The following CSGALNACT1 variants were observed in gnomAD, a reference collection of about 807,000 sequenced individuals.
CSGALNACT1 encodes the protein beta4GalNAcT-1.
A neutral mutation model predicts 51.0 loss-of-function variants in CSGALNACT1; 52 were observed. The observed-to-expected ratio is 1.02, with a 90% CI of 0.82 to 1.29. The LOEUF (loss-of-function observed/expected upper bound fraction) is 1.29. Among genes scored for constraint, CSGALNACT1 ranks in the 50% most tolerant of loss-of-function variants. The pLI is 0.00. For missense variants in CSGALNACT1, 935 were observed against 679.2 expected (o/e 1.38, Z -4.19); for synonymous variants, 341 against 254.4 (o/e 1.34, Z -3.24).
chr8:19,698,372 C>G (rs1007644147), intron 1 of CSGALNACT1, among the ~76,000 whole-genome samples: 3 of 152,204 alleles, frequency 2.0e-5, no homozygotes, highest in Admixed American at 2.0e-4. Flanking sequence ...ACGATGCACA[C>G]TTGTTCATGC....
intron 4 of CSGALNACT1, among the ~76,000 whole-genome samples, chr8:19,469,723 G>A (rs563998249): frequency 6.6e-6 from 1 of 152,132 alleles, no homozygotes; most frequent in African/African-American, 2.4e-5. Context: ...CCTACTCTCA[G>A]TCTCTGAAGC....
chr8:19,605,926 A>T (rs1377382387), upstream of CSGALNACT1, among the ~76,000 whole-genome samples: 1 of 152,200 alleles, frequency 6.6e-6, no homozygotes, highest in Non-Finnish European at 1.5e-5. Context: ...TTAATGTACA[A>T]CTAATAAGTG....
intron 1 of CSGALNACT1, among the ~76,000 whole-genome samples, chr8:19,664,646 A>AAC (rs34245346): frequency 0.013 from 1,929 of 150,694 alleles, 28 homozygotes; most frequent in African/African-American, 0.026. Context: ...CAAACACACA[A>AAC]ACACACACAC....
At chr8:19,709,695 G>C (rs952182022) in intron 1 of CSGALNACT1, among the ~76,000 whole-genome samples, 6 of 152,146 alleles carry the variant, frequency 3.9e-5, no homozygotes. Flanking sequence ...TCACCACGAG[G>C]GCATTAGGCA....
chr8:19,645,198 A>G (rs1240242445), intron 1 of CSGALNACT1, among the ~76,000 whole-genome samples: 1 of 152,240 alleles, frequency 6.6e-6, no homozygotes, highest in East Asian at 1.9e-4. Flanking sequence ...TTCTAATACA[A>G]TGAACAAAGG....
At chr8:19,490,253 G>C (rs1000371456) in intron 4 of CSGALNACT1, among the ~76,000 whole-genome samples, 1 of 152,186 alleles carries the variant, frequency 6.6e-6, no homozygotes, top group Admixed American at 6.5e-5. Flanking sequence ...CTGCACACGA[G>C]AAGCTGCTTC....
chr8:19,654,835 T>A (rs781594502), intron 1 of CSGALNACT1, among the ~76,000 whole-genome samples: 4 of 152,098 alleles, frequency 2.6e-5, no homozygotes, highest in Non-Finnish European at 5.9e-5. Context: ...CATGAGCCAC[T>A]GTGCCCAGCC....
intron 1 of CSGALNACT1, among the ~76,000 whole-genome samples, chr8:19,660,814 C>G (rs1011618776): frequency 1.3e-5 from 2 of 152,186 alleles, no homozygotes; most frequent in African/African-American, 2.4e-5. Flanking sequence ...ACACTCTCTA[C>G]ACACAGGAAA....
chr8:19,426,442 T>C (rs1307709570), intron 6 of CSGALNACT1, among the ~76,000 whole-genome samples: 4 of 152,184 alleles, frequency 2.6e-5, no homozygotes, highest in African/African-American at 9.7e-5. Flanking sequence ...AAGTTACTCA[T>C]ACAAAGAAAT....
chr8:19,593,917 G>C (rs2048354730), intron 2 of CSGALNACT1, among the ~76,000 whole-genome samples: 1 of 152,124 alleles, frequency 6.6e-6, no homozygotes. Context: ...TTCCTTCCCT[G>C]TCTCTCCCTC....
At chr8:19,554,527 T>C (rs1266593349) in intron 3 of CSGALNACT1, among the ~76,000 whole-genome samples, 3 of 45,598 alleles carry the variant, frequency 6.6e-5, no homozygotes, top group African/African-American at 2.0e-4. Flanking sequence ...AAAAATGCGA[T>C]GCAACCATAT....
At chr8:19,531,704 G>C (rs1283379008) in intron 3 of CSGALNACT1, 2 of 152,154 alleles carry the variant, frequency 1.3e-5, no homozygotes, top group East Asian at 1.9e-4. Flanking sequence ...TTTATCAACT[G>C]TGACTTCGGT....
chr8:19,568,029 GA>G (rs139202831), intron 3 of CSGALNACT1, among the ~76,000 whole-genome samples: 9,136 of 151,780 alleles, frequency 0.06, 940 homozygotes, highest in African/African-American at 0.21. Context: ...CTCAACAAAT[GA>G]AAAAAAATCA....
At chr8:19,474,894 A>G (rs2069133178) in intron 4 of CSGALNACT1, among the ~76,000 whole-genome samples, 1 of 151,656 alleles carries the variant, frequency 6.6e-6, no homozygotes, top group African/African-American at 2.4e-5. Flanking sequence ...AAAGAAAAAA[A>G]AAAGAAAGCA....
At chr8:19,652,157 C>T (rs2154184751) in intron 1 of CSGALNACT1, among the ~76,000 whole-genome samples, 1 of 152,006 alleles carries the variant, frequency 6.6e-6, no homozygotes, top group Admixed American at 6.6e-5. Context: ...CACCATGTTG[C>T]CCAGGCTGCT....
intron 1 of CSGALNACT1, among the ~76,000 whole-genome samples, chr8:19,712,588 TC>T (rs2062574200): frequency 1.3e-5 from 2 of 152,142 alleles, no homozygotes; most frequent in Admixed American, 6.5e-5. Context: ...CCTAAAATCA[TC>T]CCTGCAAATC....
In CSGALNACT1 at chr8:19,716,612, C is replaced by CAAAAAAAAAAAAA. The variant is rs60464594; in HGVS notation, c.-297+41225_-297+41237dup. 1.4e-4 allele frequency among the ~76,000 whole-genome samples: 6 copies of CAAAAAAAAAAAAA among 41,992 alleles called. 2 individuals carry two copies. Among genetic ancestry groups the CAAAAAAAAAAAAA allele is most frequent in the African/African-American group, 1.8e-4 (2 of 11,032 alleles). 27.5% of individuals were successfully genotyped at this position (41,992 alleles called of 152,430 possible). A position where few individuals can be genotyped will look rare whatever the true frequency, so the allele number is the denominator to read the frequency against. On this transcript the variant is annotated intron_variant, in intron 1 of 1. Coordinates refer to the CSGALNACT1 transcript ENST00000517494. Reference sequence around the variant, plus strand: ...GGCCAACATGGTAAAACCCTCTCTACAAAAAAAAAAAAAAAAAAAAAAAAA... The same window carrying CAAAAAAAAAAAAA: ...GGCCAACATGGTAAAACCCTCTCTACAAAAAAAAAAAAAAAAAAAAAAAAAAAAAAAAAAAAAA...
Position 19,440,079 on chromosome 8 carries a change from C to G in CSGALNACT1, c.852-148G>C, listed in dbSNP as rs887537472. ...GCCGAGATGGGAATCCAGAACCTTT[C>G]TGGTTGGCCATTCCAACTATCTGTA... On this transcript the variant is annotated intron_variant, in intron 5 of 9. Coordinates refer to ENST00000454498, the Ensembl canonical transcript of CSGALNACT1. The G allele has an allele frequency of 4.0e-4, 279 of 703,522 alleles. 1 individual carries two copies. The highest frequency in any genetic ancestry group is 4.5e-4 in the Non-Finnish European group (176 of 388,830). The allele number at this position is 703,522 out of a possible 1,614,324, so 43.6% of individuals were successfully genotyped here.
At chr8:19,625,666 C>A (rs1204321542) in intron 1 of CSGALNACT1, among the ~76,000 whole-genome samples, 1 of 152,186 alleles carries the variant, frequency 6.6e-6, no homozygotes, top group Non-Finnish European at 1.5e-5. Context: ...GTCTCTGCAA[C>A]ACAACAGTGA....
Sources: gnomAD v4.1 joint callset for allele counts (sites outside exome capture counted in the v4.1 genomes callset) on GRCh38, gnomAD v4.1.1 for gene constraint, MANE v1.5 for transcripts, NCBI Gene and HGNC (gene_info 2026-07-23, HGNC 2026-07-21) for gene names.